The following CROT variants were observed in gnomAD, a reference collection of about 807,000 sequenced individuals.
CROT encodes the protein peroxisomal carnitine O-octanoyltransferase.
Under a neutral mutation model 89.2 loss-of-function variants are expected in CROT, and 84 were observed. The observed-to-expected ratio is 0.94, with a 90% confidence interval of 0.79 to 1.13. CROT has a LOEUF of 1.13. CROT is among the 50% of genes most tolerant of loss of function. The pLI is 0.00. For synonymous variants in CROT, 212 were observed against 239.5 expected (o/e 0.89, Z 1.06); for missense variants, 711 against 727.8 (o/e 0.98, Z 0.27).
intron 13 of CROT, among the ~76,000 whole-genome samples, chr7:87,386,647 A>G (rs770784256): frequency 6.6e-6 from 1 of 152,064 alleles, no homozygotes; most frequent in Non-Finnish European, 1.5e-5. Context: ...ACTGTTGTGG[A>G]CTTGGAGTGT....
intron 4 of CROT, chr7:87,360,033 A>G (rs1806221263): frequency 1.0e-6 from 1 of 981,894 alleles, no homozygotes; most frequent in South Asian, 4.7e-5. Context: ...GTGATGGAAT[A>G]ATAAAATTTC....
chr7:87,393,440 G>C (rs1807431778), intron 17 of CROT, among the ~76,000 whole-genome samples: 1 of 152,134 alleles, frequency 6.6e-6, no homozygotes, highest in South Asian at 2.1e-4. Context: ...ATATTAATGA[G>C]ATAGAGAAAA....
At chr7:87,365,605 T>A (rs1806414438) in intron 6 of CROT, among the ~76,000 whole-genome samples, 1 of 146,846 alleles carries the variant, frequency 6.8e-6, no homozygotes, top group Admixed American at 6.7e-5. Flanking sequence ...AAAACTAGTT[T>A]TTTGTTTTTT....
In CROT at chr7:87,392,639, G is replaced by A. The variant is rs1298626704; in HGVS notation, c.1499G>A (p.Gly500Glu). Reference protein sequence around the residue: ...HNKMMKDCSAGKGFDRHLLGL... With the variant: ...HNKMMKDCSAEKGFDRHLLGL... ...AAAATGATGAAAGATTGTTCAGCTGGAAAAGGTACTTAAGTTAAAATTTTT... is the reference window on the plus strand; with the variant it reads ...AAAATGATGAAAGATTGTTCAGCTGAAAAAGGTACTTAAGTTAAAATTTTT... The change falls in exon 15 of 18, where the codon GGA (glycine) becomes GAA (glutamate). Residue 500 changes from glycine to glutamate, a missense_variant. Coordinates refer to ENST00000331536, the MANE Select transcript of CROT (RefSeq NM_021151.4). 2.5e-6 allele frequency: 4 copies of A among 1,612,970 alleles called. No individual in the cohort carries two copies. Among genetic ancestry groups the A allele is most frequent in the Non-Finnish European group, 3.4e-6 (4 of 1,179,402 alleles).
intron 6 of CROT, among the ~76,000 whole-genome samples, chr7:87,368,400 G>A (rs73394164): frequency 0.025 from 3,793 of 152,210 alleles, 160 homozygotes; most frequent in African/African-American, 0.087. Context: ...AGTGGTGGTC[G>A]TAGAGGTAAA....
Position 87,361,730 on chromosome 7 carries a change from A to G in CROT, c.425A>G (p.Glu142Gly), listed in dbSNP as rs1440439448. Residue 142 changes from glutamate to glycine, a missense_variant and splice_region_variant, in exon 6 of 18, where the codon GAA (glutamate) becomes GGA (glycine). Transcript: ENST00000331536. The stretch of plus-strand genomic sequence containing the variant: ...GATCAAAATCCTTTTTTTAATAGAG[A>G]AAAAGTGCCTGTTCATAAAGTTGGA... ...NLNYWQLLRK[E>G]KVPVHKVGNT... is the part of the protein sequence containing the mutation. 6.4e-7 allele frequency: 1 copy of G among 1,571,968 alleles called. No homozygotes were observed. Among genetic ancestry groups the G allele is most frequent in the African/African-American group, 1.4e-5 (1 of 72,460 alleles).
In CROT at chr7:87,359,265, C is replaced by T. The variant is rs80257795; in HGVS notation, c.175C>T (p.Gln59Ter). 17 of 1,596,114 alleles carry T rather than the reference C, an allele frequency of 1.1e-5. No homozygotes were observed. The highest frequency in any genetic ancestry group is 1.3e-5 in the African/African-American group (1 of 74,480). The stretch of plus-strand genomic sequence containing the variant: ...AACTGAAGAAATAGTTCAAAAATTT[C>T]AAAGTGGGATTGGAGAAAAATTGCA... The part of the protein sequence containing the change: ...KKTEEIVQKF[Q>*]SGIGEKLHQK... The change falls in exon 4 of 18, where the codon CAA becomes TAA. Residue 59 changes from glutamine to a stop codon, truncating the protein, a stop_gained. Coordinates refer to ENST00000331536, the MANE Select transcript of CROT (RefSeq NM_021151.4). LOFTEE classifies it high-confidence loss of function.
chr7:87,360,401 T>C (rs1183216401), intron 4 of CROT, among the ~76,000 whole-genome samples: 1 of 152,172 alleles, frequency 6.6e-6, no homozygotes, highest in African/African-American at 2.4e-5. Context: ...AGTGCAGTGG[T>C]GCAGTCTCGG....
intron 6 of CROT, among the ~76,000 whole-genome samples, chr7:87,362,616 A>G (rs1329750113): frequency 6.6e-6 from 1 of 151,942 alleles, no homozygotes; most frequent in Non-Finnish European, 1.5e-5. Context: ...CTTCTTAGAG[A>G]CACATGAGTT....
chr7:87,390,943 C>G (rs1309841386), intron 13 of CROT, among the ~76,000 whole-genome samples: 1 of 152,144 alleles, frequency 6.6e-6, no homozygotes, highest in South Asian at 2.1e-4. Flanking sequence ...TTTTGTGATG[C>G]AGCTTAGTTG....
Position 87,398,735 on chromosome 7 carries a change from ACTT to A in CROT, c.*92_*94del. 5.8e-6 allele frequency: 7 copies of A among 1,204,824 alleles called. No homozygotes were observed. The highest frequency in any genetic ancestry group is 1.4e-5 in the South Asian group (1 of 69,726). The allele number at this position is 1,204,824 out of a possible 1,614,324, so 74.6% of individuals were successfully genotyped here. On this transcript the variant is annotated 3_prime_UTR_variant, in exon 18 of 18. Coordinates refer to ENST00000331536, the MANE Select transcript of CROT (RefSeq NM_021151.4). The stretch of plus-strand genomic sequence containing the variant: ...TAATATGAGATGGGAAGGAATGTTG[ACTT>A]GCTAACATTCCTTTAACAAGTTAAG...
intron 13 of CROT, among the ~76,000 whole-genome samples, chr7:87,385,104 A>G (rs1040913000): frequency 6.8e-6 from 1 of 147,416 alleles, no homozygotes; most frequent in African/African-American, 2.5e-5. Context: ...GTTTGGCGGT[A>G]TATTTTGAAG....
At chr7:87,374,795 T>C (rs780246255) in intron 7 of CROT, among the ~76,000 whole-genome samples, 1 of 152,034 alleles carries the variant, frequency 6.6e-6, no homozygotes, top group African/African-American at 2.4e-5. Context: ...AATTCCAATT[T>C]TGAATGATGA....
chr7:87,397,359 A>AG (rs1295066563), intron 17 of CROT, among the ~76,000 whole-genome samples: 4 of 151,826 alleles, frequency 2.6e-5, no homozygotes, highest in Non-Finnish European at 5.9e-5. Flanking sequence ...TCAAAAAAAA[A>AG]AAAAGTATTT....
intron 3 of CROT, chr7:87,357,455 G>C: frequency 6.4e-7 from 1 of 1,551,054 alleles, no homozygotes; most frequent in Non-Finnish European, 8.7e-7. Context: ...AATTAGTGCT[G>C]TGCAGGCTGA....
chr7:87,397,142 A>G (rs987510342), intron 17 of CROT, among the ~76,000 whole-genome samples: 1 of 152,174 alleles, frequency 6.6e-6, no homozygotes. Flanking sequence ...ACTTGAGGCC[A>G]GGAGTTCAAG....
chr7:87,389,999 A>T (rs1462026047), intron 13 of CROT, among the ~76,000 whole-genome samples: 7 of 152,106 alleles, frequency 4.6e-5, no homozygotes, highest in Non-Finnish European at 8.8e-5. Context: ...TAAATATGGG[A>T]ATCTTTTTCC....
At chr7:87,357,402 C>G in intron 3 of CROT, 1 of 1,450,288 alleles carries the variant, frequency 6.9e-7, no homozygotes, top group Non-Finnish European at 9.4e-7. Flanking sequence ...AAATATTATC[C>G]TTGATAGGAT....
At chr7:87,359,439 G>C (rs1806206986) in intron 4 of CROT, 109 bp downstream of exon 4, 2 of 1,455,548 alleles carry the variant, frequency 1.4e-6, no homozygotes, top group South Asian at 3.0e-5. Context: ...AGTTATTATT[G>C]TTATTTTCAT....
Sources: allele counts gnomAD v4.1 joint callset (sites outside exome capture counted in the v4.1 genomes callset), GRCh38; gene constraint gnomAD v4.1.1; transcripts MANE v1.5; gene names NCBI Gene and HGNC (gene_info 2026-07-23, HGNC 2026-07-21).